The following CCSER1 variants were observed in gnomAD, a reference collection of about 807,000 sequenced individuals.
The protein encoded by CCSER1 is serine-rich coiled-coil domain-containing protein 1.
Under a neutral mutation model 82.0 loss-of-function variants are expected in CCSER1, and 41 were observed. That is an observed-to-expected ratio of 0.50 (90% CI 0.39 to 0.65). CCSER1 has a LOEUF of 0.65. CCSER1 is among the 30% of genes least tolerant of loss of function. CCSER1 has a pLI of 0.00. For missense variants in CCSER1, 1,119 were observed against 1,064.2 expected, an observed-to-expected ratio of 1.05 and a Z score of -0.72; for synonymous variants, 414 against 383.9, an observed-to-expected ratio of 1.08 and a Z score of -0.92.
At chr4:90,150,110 C>T (rs997549360) in intron 1 of CCSER1, among the ~76,000 whole-genome samples, 7 of 152,114 alleles carry the variant, frequency 4.6e-5, no homozygotes, top group Non-Finnish European at 7.4e-5. Flanking sequence ...TGAATATATT[C>T]GTGCAATGAA....
intron 9 of CCSER1, among the ~76,000 whole-genome samples, chr4:91,053,575 T>C (rs1743185533): frequency 6.6e-6 from 1 of 152,186 alleles, no homozygotes; most frequent in Non-Finnish European, 1.5e-5. Flanking sequence ...CTCCAGAGGA[T>C]AGAGTATTTT....
intron 7 of CCSER1, among the ~76,000 whole-genome samples, chr4:90,795,147 C>T (rs186229913): frequency 2.6e-5 from 4 of 151,972 alleles, no homozygotes; most frequent in African/African-American, 4.8e-5. Flanking sequence ...CTTAGCTAGG[C>T]GTGGTTGCGG....
rs367640364 is a variant in CCSER1 at position 90,352,203 on chromosome 4, T to A, written c.1509+39156T>A. Among the ~76,000 whole-genome samples, 124 of 151,776 alleles carry A rather than the reference T, an allele frequency of 8.2e-4. 3 individuals carry two copies. In the East Asian group the frequency reaches 0.023, roughly 28 times the overall value. ...GCCGGGCGTGGTGGCGGGCGCCTGT[T>A]GTCCCAGCTACTCGGGAGGCTGAGG... On this transcript the variant is annotated intron_variant, in intron 3 of 10. Coordinates refer to ENST00000509176, the MANE Select transcript of CCSER1 (RefSeq NM_001145065.2).
chr4:90,217,394 T>C (rs1432208655), intron 1 of CCSER1, among the ~76,000 whole-genome samples: 1 of 152,126 alleles, frequency 6.6e-6, no homozygotes, highest in Non-Finnish European at 1.5e-5. Context: ...AAACAGGGTT[T>C]CATCATGTTG....
At chr4:90,881,052 A>C (rs2150072612) in intron 8 of CCSER1, among the ~76,000 whole-genome samples, 1 of 152,236 alleles carries the variant, frequency 6.6e-6, no homozygotes, top group East Asian at 1.9e-4. Context: ...AAAATTAAAA[A>C]AAAAAAAAAT....
chr4:90,970,570 C>T (rs78124854), intron 9 of CCSER1, among the ~76,000 whole-genome samples: 3,626 of 151,918 alleles, frequency 0.024, 138 homozygotes, highest in African/African-American at 0.072. Context: ...AAGGAAACAA[C>T]AGACATGAAT....
chr4:91,168,258 C>T (rs1233460041), intron 10 of CCSER1, among the ~76,000 whole-genome samples: 3 of 133,482 alleles, frequency 2.2e-5, no homozygotes, highest in Admixed American at 1.5e-4. Context: ...GGCTGCCCAT[C>T]ATCTGGGAAG....
In CCSER1 at chr4:90,933,013, AAAGAAAGAAAGAAAG is replaced by A. The variant is rs1313103326; in HGVS notation, c.2172+9569_2172+9583del. Among the ~76,000 whole-genome samples the A allele has an allele frequency of 1.1e-4, 10 of 87,120 alleles. 1 individual carries two copies. Among genetic ancestry groups the A allele is most frequent in the East Asian group, 6.0e-4 (2 of 3,350 alleles). The allele number at this position is 87,120 out of a possible 152,430, so 57.2% of individuals were successfully genotyped here. On this transcript the variant is annotated intron_variant, in intron 9 of 10. Transcript: ENST00000509176. ...GAAAGAAAGAAAGAAAGAAAGAAAG[AAAGAAAGAAAGAAAG>A]AAAGAAAGAAAGAAAGAGAAGGAAG...
rs570175763 is a variant in CCSER1, at chr4:90,883,997, A to G, written c.2095-39373A>G. 3.9e-5 allele frequency among the ~76,000 whole-genome samples: 6 copies of G among 152,292 alleles called. No homozygotes were observed. In the South Asian group the frequency reaches 8.3e-4, roughly 21 times the overall value. On this transcript the variant is annotated intron_variant, in intron 8 of 10. Transcript: ENST00000509176. Reference sequence around the variant, plus strand: ...TATAAGGTAACTGAGTGACATGTGAAGCCATTTCTGATATTCATAAATTAG... The same window carrying G: ...TATAAGGTAACTGAGTGACATGTGAGGCCATTTCTGATATTCATAAATTAG...
intron 3 of CCSER1, among the ~76,000 whole-genome samples, chr4:90,324,749 C>A (rs1215640002): frequency 6.6e-6 from 1 of 152,156 alleles, no homozygotes; most frequent in Non-Finnish European, 1.5e-5. Context: ...CTTGCCCATG[C>A]CTACATCCTG....
intron 4 of CCSER1, among the ~76,000 whole-genome samples, chr4:90,427,805 A>G (rs1413329603): frequency 6.6e-6 from 1 of 151,832 alleles, no homozygotes; most frequent in Non-Finnish European, 1.5e-5. Context: ...TAAAGGCATG[A>G]TGAAATTTTT....
At chr4:90,404,228 C>G (rs1490409992) in intron 4 of CCSER1, 1 of 152,236 alleles carries the variant, frequency 6.6e-6, no homozygotes, top group Non-Finnish European at 1.5e-5. Flanking sequence ...TATGACTCAG[C>G]AGAGGCAGCC....
intron 6 of CCSER1, among the ~76,000 whole-genome samples, chr4:90,658,693 A>G (rs1176591457): frequency 1.3e-5 from 2 of 152,012 alleles, no homozygotes; most frequent in African/African-American, 4.8e-5. Context: ...ATTCTCTATT[A>G]CTCCCCTCTA....
intron 10 of CCSER1, among the ~76,000 whole-genome samples, chr4:91,423,998 G>GAT (rs1753823909): frequency 8.9e-6 from 1 of 112,206 alleles, no homozygotes; most frequent in Admixed American, 9.9e-5. Flanking sequence ...GAACTCAGCA[G>GAT]ATCTTTTTTT....
chr4:90,828,378 T>C (rs1760737183), intron 8 of CCSER1, among the ~76,000 whole-genome samples: 1 of 152,042 alleles, frequency 6.6e-6, no homozygotes, highest in African/African-American at 2.4e-5. Context: ...CACTAAGAAA[T>C]CTCCCATAGT....
intron 8 of CCSER1, among the ~76,000 whole-genome samples, chr4:90,890,501 G>A (rs978321536): frequency 6.6e-6 from 1 of 152,110 alleles, no homozygotes; most frequent in Non-Finnish European, 1.5e-5. Flanking sequence ...CTTAGCTTTA[G>A]GAAACTAAGG....
chr4:90,432,591 C>T (rs889298583), intron 4 of CCSER1, among the ~76,000 whole-genome samples: 1 of 151,352 alleles, frequency 6.6e-6, no homozygotes, highest in African/African-American at 2.4e-5. Context: ...CTCTCTCTCT[C>T]TTTCTTTCTT....
intron 8 of CCSER1, among the ~76,000 whole-genome samples, chr4:90,896,725 G>T (rs977975258): frequency 1.3e-5 from 2 of 151,796 alleles, no homozygotes; most frequent in Non-Finnish European, 2.9e-5. Flanking sequence ...TGACATTTTT[G>T]CTTGTTAACA....
chr4:90,469,977 C>T (rs999196520), intron 5 of CCSER1, among the ~76,000 whole-genome samples: 9 of 152,116 alleles, frequency 5.9e-5, no homozygotes, highest in African/African-American at 1.9e-4. Context: ...CTTTGATTGT[C>T]AAGTTAACAC....
Sources: allele counts gnomAD v4.1 joint callset (sites outside exome capture counted in the v4.1 genomes callset), GRCh38; gene constraint gnomAD v4.1.1; transcripts MANE v1.5; gene names NCBI Gene and HGNC (gene_info 2026-07-23, HGNC 2026-07-21).